RBFOX1: variants seen among roughly 807,000 people sequenced by gnomAD.
RBFOX1 encodes the protein RNA binding fox-1 homolog 1, also known as RNA binding protein fox-1 homolog 1.
A neutral mutation model predicts 57.7 loss-of-function variants in RBFOX1; 8 were observed. The observed-to-expected ratio is 0.14, with a 90% confidence interval of 0.08 to 0.25. The LOEUF (loss-of-function observed/expected upper bound fraction) is 0.25, where lower values mean the gene tolerates loss of function less well. RBFOX1 is among the 10% of genes least tolerant of loss of function. The probability of loss-of-function intolerance (pLI) is 1.00; values close to 1 mark genes in which losing one functional copy is unlikely to be tolerated. For synonymous variants in RBFOX1, 326 were observed against 222.4 expected (o/e 1.47, Z -4.15); for missense variants, 611 against 548.5 (o/e 1.11, Z -1.14).
At chr16:5,776,583 CT>C (rs2054158054) in intron 3 of RBFOX1, among the ~76,000 whole-genome samples, 1 of 152,222 alleles carries the variant, frequency 6.6e-6, no homozygotes, top group African/African-American at 2.4e-5. Context: ...TTTAGGCAGT[CT>C]TTTATTATGA....
At chr16:6,421,638 G>T (rs188757172) in intron 2 of RBFOX1, among the ~76,000 whole-genome samples, 4 of 152,134 alleles carry the variant, frequency 2.6e-5, no homozygotes, top group African/African-American at 9.7e-5. Flanking sequence ...GCGTCACCAC[G>T]AATGACACTG....
chr16:5,613,919 T>G (rs906625951), intron 3 of RBFOX1, among the ~76,000 whole-genome samples: 43 of 135,900 alleles, frequency 3.2e-4, no homozygotes, highest in African/African-American at 1.5e-3. Flanking sequence ...TAGAATTTCC[T>G]TGGACTTTTT....
chr16:6,071,008 A>T (rs1333065796), intron 1 of RBFOX1, among the ~76,000 whole-genome samples: 1 of 152,172 alleles, frequency 6.6e-6, no homozygotes, highest in Non-Finnish European at 1.5e-5. Context: ...ATTGAAAGGG[A>T]TCACCAAATT....
At chr16:7,116,143 C>G (rs1027088890) in intron 4 of RBFOX1, among the ~76,000 whole-genome samples, 1 of 152,146 alleles carries the variant, frequency 6.6e-6, no homozygotes, top group African/African-American at 2.4e-5. Flanking sequence ...TTCTGAAATT[C>G]TCTTCTCCGT....
chr16:7,398,381 A>G (rs1263903669), intron 4 of RBFOX1, among the ~76,000 whole-genome samples: 4 of 151,908 alleles, frequency 2.6e-5, no homozygotes, highest in Non-Finnish European at 5.9e-5. Context: ...AAATTTGAAG[A>G]TGAGGCTGAA....
At chr16:7,663,726 G>C (rs17135054) in intron 12 of RBFOX1, among the ~76,000 whole-genome samples, 2 of 152,110 alleles carry the variant, frequency 1.3e-5, no homozygotes, top group African/African-American at 2.4e-5. Flanking sequence ...TATCGGGGAA[G>C]ATTGTAAATA....
chr16:7,483,660 G>A (rs771530978), intron 4 of RBFOX1, among the ~76,000 whole-genome samples: 1 of 152,148 alleles, frequency 6.6e-6, no homozygotes, highest in African/African-American at 2.4e-5. Context: ...TATCTTATAG[G>A]TTGGGAAATA....
chr16:6,305,498 C>T (rs565196730), intron 1 of RBFOX1, among the ~76,000 whole-genome samples: 1 of 152,036 alleles, frequency 6.6e-6, no homozygotes, highest in East Asian at 2.0e-4. Context: ...ATGTCTTTAT[C>T]AGTCCCAGAT....
intron 5 of RBFOX1, among the ~76,000 whole-genome samples, chr16:7,534,853 T>C (rs1216611676): frequency 6.6e-6 from 1 of 152,034 alleles, no homozygotes; most frequent in Non-Finnish European, 1.5e-5. Flanking sequence ...CCCCGCTATG[T>C]GTGTGTGTGG....
At chr16:5,669,566 T>C (rs112815933) in intron 3 of RBFOX1, among the ~76,000 whole-genome samples, 2,839 of 152,126 alleles carry the variant, frequency 0.019, 28 homozygotes, top group Non-Finnish European at 0.032. Context: ...ATTGCAGGCA[T>C]GCACCACCAT....
chr16:6,315,362 G>GTGGATGGA (rs754638128), intron 1 of RBFOX1, among the ~76,000 whole-genome samples: 18,232 of 150,034 alleles, frequency 0.12, 1,225 homozygotes, highest in African/African-American at 0.17. Flanking sequence ...GAATGGGTGG[G>GTGGATGGA]TGGATGGATG....
At chr16:5,534,822 G>T (rs771064890) in intron 2 of RBFOX1, among the ~76,000 whole-genome samples, 1 of 152,124 alleles carries the variant, frequency 6.6e-6, no homozygotes, top group Non-Finnish European at 1.5e-5. Context: ...ATCCAATCAA[G>T]TTGACACCTA....
intron 1 of RBFOX1, among the ~76,000 whole-genome samples, chr16:5,376,272 G>A (rs62017739): frequency 0.023 from 3,557 of 152,254 alleles, 62 homozygotes; most frequent in Middle Eastern, 0.068. Context: ...AGCATGCGCG[G>A]AACTCTGACA....
chr16:5,439,917 G>C lies in RBFOX1; in HGVS notation c.220-27299G>C, dbSNP rs534195647. ...TTAGAATTTGTAAGATCTGAGTAAA[G>C]TATTCAAGTGGAGATGTCAAGCTGG... On this transcript the variant is annotated intron_variant, in intron 1 of 2. Transcript: ENST00000585867. Among the ~76,000 whole-genome samples, 5 of 152,336 alleles carry C rather than the reference G, an allele frequency of 3.3e-5. No individual in the cohort carries two copies. In the East Asian group the frequency reaches 5.8e-4, roughly 18 times the overall value.
chr16:7,002,435 C>T (rs753670086), intron 3 of RBFOX1, among the ~76,000 whole-genome samples: 9 of 152,170 alleles, frequency 5.9e-5, no homozygotes, highest in Non-Finnish European at 1.2e-4. Flanking sequence ...ACTATTTTCG[C>T]TGGGCGCGAT....
chr16:5,738,809 T>C (rs2052673359), intron 3 of RBFOX1, among the ~76,000 whole-genome samples: 1 of 152,156 alleles, frequency 6.6e-6, no homozygotes. Context: ...CACAGTGGAA[T>C]GCCAAACATT....
intron 1 of RBFOX1, among the ~76,000 whole-genome samples, chr16:5,280,252 T>G (rs1338426896): frequency 1.3e-5 from 2 of 152,248 alleles, no homozygotes; most frequent in Admixed American, 6.5e-5. Context: ...GATTTGTGTA[T>G]GTTGAGCCAT....
chr16:6,299,920 C>G (rs1259621559), intron 1 of RBFOX1, among the ~76,000 whole-genome samples: 1 of 152,154 alleles, frequency 6.6e-6, no homozygotes, highest in East Asian at 1.9e-4. Context: ...TGTAACAAAC[C>G]TGCTTGTGTG....
chr16:7,208,729 A>G (rs2090497367), intron 4 of RBFOX1, among the ~76,000 whole-genome samples: 1 of 152,146 alleles, frequency 6.6e-6, no homozygotes, highest in African/African-American at 2.4e-5. Context: ...CCCAACTAAT[A>G]GAGAGGCTGA....
Sources: gnomAD v4.1 joint callset for allele counts (sites outside exome capture counted in the v4.1 genomes callset) on GRCh38, gnomAD v4.1.1 for gene constraint, MANE v1.5 for transcripts, NCBI Gene and HGNC (gene_info 2026-07-23, HGNC 2026-07-21) for gene names.